CSMD1: variants seen among roughly 807,000 people sequenced by gnomAD.
The protein encoded by CSMD1 is CUB and Sushi multiple domains 1.
A neutral mutation model predicts 417.5 loss-of-function variants in CSMD1; 213 were observed. The ratio of observed to expected loss-of-function variants is 0.51; its 90% CI spans 0.46 to 0.57. The LOEUF (loss-of-function observed/expected upper bound fraction) is 0.57, where lower values mean the gene tolerates loss of function less well. Among genes scored for constraint, CSMD1 ranks in the 20% least tolerant of loss-of-function variants. The pLI is 0.00. For missense variants in CSMD1, 6,923 were observed against 4,529.7 expected (o/e 1.53, Z -15.17); for synonymous variants, 2,862 against 1,736.8 (o/e 1.65, Z -16.11).
intron 26 of CSMD1, among the ~76,000 whole-genome samples, chr8:3,247,985 G>C (rs1389320545): frequency 6.6e-6 from 1 of 152,142 alleles, no homozygotes; most frequent in Non-Finnish European, 1.5e-5. Context: ...GTCGCCAATT[G>C]TTTACTTTCT....
At chr8:4,256,168 T>C (rs961213380) in intron 3 of CSMD1, among the ~76,000 whole-genome samples, 1 of 152,244 alleles carries the variant, frequency 6.6e-6, no homozygotes, top group African/African-American at 2.4e-5. Context: ...GAGCTTTTTA[T>C]GCCAATTTCC....
intron 8 of CSMD1, among the ~76,000 whole-genome samples, chr8:3,607,689 C>G (rs902289041): frequency 5.3e-5 from 8 of 152,110 alleles, no homozygotes; most frequent in African/African-American, 1.9e-4. Context: ...ATTCTATTTA[C>G]AAAAAGAACA....
chr8:3,293,553 T>C (rs1360666487), intron 25 of CSMD1, among the ~76,000 whole-genome samples: 3 of 152,272 alleles, frequency 2.0e-5, no homozygotes, highest in East Asian at 1.9e-4. Flanking sequence ...TCTAAACTTC[T>C]CTTCTTGCTT....
intron 10 of CSMD1, among the ~76,000 whole-genome samples, chr8:3,558,321 G>C (rs868019320): frequency 2.0e-4 from 28 of 138,718 alleles, no homozygotes; most frequent in Middle Eastern, 3.9e-3. Flanking sequence ...CTCCAATGAT[G>C]AATGATGCCT....
At chr8:3,869,393 A>G (rs1701611829) in intron 5 of CSMD1, among the ~76,000 whole-genome samples, 1 of 152,188 alleles carries the variant, frequency 6.6e-6, no homozygotes, top group Admixed American at 6.6e-5. Context: ...AGGTCTATGA[A>G]ATTGACTTAT....
chr8:3,177,240 G>A (rs1236668073), intron 37 of CSMD1, among the ~76,000 whole-genome samples: 6 of 152,300 alleles, frequency 3.9e-5, no homozygotes, highest in African/African-American at 1.4e-4. Context: ...TCTGGATGCA[G>A]ACGCATGGGG....
chr8:3,773,425 G>A lies in CSMD1; in HGVS notation c.819-19383C>T, dbSNP rs138248717. ...CCTCAGCCTCCAGAGTAGCTGGGACGACAGTCATGCACCACTATGCCTGGC... is the reference window on the plus strand; with the variant it reads ...CCTCAGCCTCCAGAGTAGCTGGGACAACAGTCATGCACCACTATGCCTGGC... On this transcript the variant is annotated intron_variant, in intron 5 of 69. Coordinates refer to ENST00000635120, the MANE Select transcript of CSMD1 (RefSeq NM_033225.6). Among the ~76,000 whole-genome samples the A allele has an allele frequency of 3.4e-3, 516 of 152,158 alleles. 6 individuals carry two copies. The highest frequency in any genetic ancestry group is 0.011 in the African/African-American group (471 of 41,528).
At chr8:4,916,524 G>A (rs1806077611) in intron 1 of CSMD1, among the ~76,000 whole-genome samples, 1 of 152,194 alleles carries the variant, frequency 6.6e-6, no homozygotes, top group Non-Finnish European at 1.5e-5. Flanking sequence ...AAAGCTAAAT[G>A]CAGTTGTTTA....
chr8:4,825,722 T>C (rs1226266821), intron 1 of CSMD1, among the ~76,000 whole-genome samples: 1 of 134,712 alleles, frequency 7.4e-6, no homozygotes, highest in African/African-American at 2.5e-5. Context: ...GCAAACCATT[T>C]ATCTGGTAAG....
intron 49 of CSMD1, among the ~76,000 whole-genome samples, chr8:3,058,238 A>C (rs907459631): frequency 1.3e-5 from 2 of 152,190 alleles, no homozygotes; most frequent in African/African-American, 4.8e-5. Flanking sequence ...TGCACTTTCT[A>C]TAGTTGTCTG....
At chr8:3,935,442 C>G (rs1449596770) in intron 5 of CSMD1, among the ~76,000 whole-genome samples, 1 of 152,124 alleles carries the variant, frequency 6.6e-6, no homozygotes, top group East Asian at 1.9e-4. Flanking sequence ...TTGAAGTTTC[C>G]TGGCAACCCG....
chr8:4,476,319 C>T (rs1328815725), intron 2 of CSMD1, among the ~76,000 whole-genome samples: 1 of 152,100 alleles, frequency 6.6e-6, no homozygotes, highest in Non-Finnish European at 1.5e-5. Context: ...CACGAAATTT[C>T]ACATGTCAAA....
intron 6 of CSMD1, among the ~76,000 whole-genome samples, chr8:3,713,306 T>C (rs952931116): frequency 6.6e-6 from 1 of 152,226 alleles, no homozygotes; most frequent in Admixed American, 6.5e-5. Context: ...TGTTTGAAAA[T>C]GTGACGAAAC....
intron 11 of CSMD1, among the ~76,000 whole-genome samples, chr8:3,489,081 G>A (rs549518951): frequency 1.1e-3 from 170 of 152,258 alleles, no homozygotes; most frequent in Non-Finnish European, 1.9e-3. Flanking sequence ...ACACGTCTGT[G>A]CATAGTGTCT....
At chr8:4,568,671 T>A (rs569017649) in intron 2 of CSMD1, among the ~76,000 whole-genome samples, 1 of 152,164 alleles carries the variant, frequency 6.6e-6, no homozygotes, top group Non-Finnish European at 1.5e-5. Flanking sequence ...GTATTTCTGG[T>A]TCTAGATCCT....
chr8:4,151,245 G>A (rs1450448374), intron 3 of CSMD1, among the ~76,000 whole-genome samples: 4 of 152,044 alleles, frequency 2.6e-5, no homozygotes, highest in African/African-American at 9.7e-5. Flanking sequence ...AAGTTTACTT[G>A]GAAAGCTAAA....
Position 3,096,908 on chromosome 8 carries a change from G to A in CSMD1, c.7079C>T (p.Thr2360Ile), listed in dbSNP as rs753164886. ...SIKVEPNYNI[T>I]IFVDTFQSEK... ...ACTTTGAAATGTGTCCACAAAGATG[G>A]TAATGTTGTAGTTTGGTTCCACTTT... The change falls in exon 47 of 70, where the codon ACC (threonine) becomes ATC (isoleucine). Residue 2360 changes from threonine (T) to isoleucine (I), a missense_variant. Coordinates refer to ENST00000635120, the MANE Select transcript of CSMD1 (RefSeq NM_033225.6). 6.4e-6 allele frequency: 10 copies of A among 1,557,220 alleles called. 1 individual carries two copies. In the South Asian group the frequency reaches 8.3e-5, roughly 13 times the overall value.
intron 26 of CSMD1, among the ~76,000 whole-genome samples, chr8:3,242,332 TAGAA>T (rs1391584203): frequency 1.3e-5 from 2 of 149,894 alleles, no homozygotes; most frequent in Middle Eastern, 3.4e-3. Flanking sequence ...AAAGGAAGAC[TAGAA>T]AGACTCAGCG....
chr8:3,212,509 C>G (rs1797670079), intron 30 of CSMD1, among the ~76,000 whole-genome samples: 1 of 152,064 alleles, frequency 6.6e-6, no homozygotes, highest in Admixed American at 6.5e-5. Context: ...CCACCACATC[C>G]AGCTAAGTTT....
Sources: gnomAD v4.1 joint callset for allele counts (sites outside exome capture counted in the v4.1 genomes callset) on GRCh38, gnomAD v4.1.1 for gene constraint, MANE v1.5 for transcripts, NCBI Gene and HGNC (gene_info 2026-07-23, HGNC 2026-07-21) for gene names.